INTU: variants seen among roughly 807,000 people sequenced by gnomAD.
INTU encodes inturned planar cell polarity protein, also known as protein inturned.
A neutral mutation model predicts 100.5 loss-of-function variants in INTU; 68 were observed. The observed-to-expected ratio is 0.68, with a 90% confidence interval of 0.56 to 0.83. The LOEUF (loss-of-function observed/expected upper bound fraction) is 0.83, where lower values mean the gene tolerates loss of function less well. INTU is among the 40% of genes least tolerant of loss of function. The probability of loss-of-function intolerance (pLI) is 0.00; values close to 1 mark genes in which losing one functional copy is unlikely to be tolerated. For missense variants in INTU, 1,071 were observed against 1,114.7 expected (o/e 0.96, Z 0.56); for synonymous variants, 357 against 395.7 (o/e 0.90, Z 1.16).
chr4:127,655,051 C>T (rs557063787), intron 2 of INTU, among the ~76,000 whole-genome samples: 42 of 152,194 alleles, frequency 2.8e-4, no homozygotes, highest in South Asian at 6.2e-4. Flanking sequence ...ACGTAGTTCT[C>T]GAGCCTTGGT....
chr4:127,663,658 G>C, intron 4 of INTU, 74 bp downstream of exon 4: 1 of 1,114,884 alleles, frequency 9.0e-7, no homozygotes, highest in Non-Finnish European at 1.3e-6. Flanking sequence ...ACCTTTTATC[G>C]TATTCCCAGT....
At chr4:127,714,370 C>G (rs987182055) in intron 15 of INTU, among the ~76,000 whole-genome samples, 1 of 151,104 alleles carries the variant, frequency 6.6e-6, no homozygotes, top group African/African-American at 2.4e-5. Context: ...TCATTTTTCC[C>G]CCTCTCTCCT....
chr4:127,647,993 T>C (rs1465094715), intron 2 of INTU, among the ~76,000 whole-genome samples: 5 of 152,180 alleles, frequency 3.3e-5, no homozygotes. Flanking sequence ...AATTGATGGC[T>C]TTTCTCACAT....
intron 1 of INTU, among the ~76,000 whole-genome samples, chr4:127,634,901 T>A (rs1435554893): frequency 6.6e-6 from 1 of 152,208 alleles, no homozygotes; most frequent in Non-Finnish European, 1.5e-5. Context: ...TTACAAACAG[T>A]GGCCTTCCCA....
At chr4:127,715,326 TA>T (rs1224989709) in intron 15 of INTU, among the ~76,000 whole-genome samples, 1 of 151,938 alleles carries the variant, frequency 6.6e-6, no homozygotes, top group Non-Finnish European at 1.5e-5. Context: ...TAGTTGGGAG[TA>T]GGGGTAGTGG....
intron 6 of INTU, among the ~76,000 whole-genome samples, chr4:127,677,180 C>T (rs561337043): frequency 2.5e-4 from 38 of 151,868 alleles, no homozygotes; most frequent in South Asian, 8.3e-4. Flanking sequence ...AGGGCACAGA[C>T]GAAAAAAAAG....
chr4:127,705,592 G>T lies in INTU; in HGVS notation c.1568G>T (p.Gly523Val). 1 of 1,612,110 alleles carries T rather than the reference G, an allele frequency of 6.2e-7. No homozygotes were observed. Among genetic ancestry groups the T allele is most frequent in the Non-Finnish European group, 8.5e-7 (1 of 1,178,288 alleles). Residue 523 changes from glycine (G) to valine (V), a missense_variant and splice_region_variant, in exon 11 of 16, where the codon GGT (glycine) becomes GTT (valine). Gly to Val is a moderately radical substitution (Grantham distance 109). Coordinates refer to ENST00000335251, the MANE Select transcript of INTU (RefSeq NM_015693.4). ...TILGSSLFYK[G>V]YLICSHLPKD... ...TTGCTCTTTGTGGTTAAATTCAAGGGTTATTTGATATGCAGTCATTTGCCC... is the reference window on the plus strand; with the variant it reads ...TTGCTCTTTGTGGTTAAATTCAAGGTTTATTTGATATGCAGTCATTTGCCC...
At chr4:127,661,732 G>A (rs1248052441) in intron 3 of INTU, among the ~76,000 whole-genome samples, 1 of 152,090 alleles carries the variant, frequency 6.6e-6, no homozygotes, top group African/African-American at 2.4e-5. Context: ...CACCACCAAA[G>A]TCTTCCATAT....
chr4:127,677,227 T>C (rs1022778862), intron 6 of INTU, among the ~76,000 whole-genome samples: 2 of 152,202 alleles, frequency 1.3e-5, no homozygotes, highest in African/African-American at 2.4e-5. Flanking sequence ...TGTCCATGTC[T>C]GACAGCTTTG....
intron 12 of INTU, 112 bp from the exon 13 acceptor site, chr4:127,708,459 A>C: frequency 1.6e-6 from 1 of 612,284 alleles, no homozygotes; most frequent in East Asian, 3.0e-5. Context: ...ATTTAAAGGA[A>C]GCATTGCAAA....
At chr4:127,655,254 C>T (rs903868814) in intron 2 of INTU, among the ~76,000 whole-genome samples, 4 of 152,234 alleles carry the variant, frequency 2.6e-5, no homozygotes, top group African/African-American at 7.2e-5. Context: ...AGCTTTGTTC[C>T]GTTGCTGGTG....
At chr4:127,667,967 A>G (rs192259166) in intron 4 of INTU, among the ~76,000 whole-genome samples, 74 of 152,182 alleles carry the variant, frequency 4.9e-4, no homozygotes, top group African/African-American at 1.6e-3. Context: ...AGCAAGATAT[A>G]TAATACTCTT....
At chr4:127,655,201 C>G (rs1237860334) in intron 2 of INTU, among the ~76,000 whole-genome samples, 2 of 151,850 alleles carry the variant, frequency 1.3e-5, no homozygotes, top group African/African-American at 4.8e-5. Flanking sequence ...ATTTCATCGT[C>G]TGAAGCCTTC....
At chr4:127,715,255 G>A (rs1731227386) in intron 15 of INTU, among the ~76,000 whole-genome samples, 1 of 152,146 alleles carries the variant, frequency 6.6e-6, no homozygotes. Context: ...ACCTAAGTTA[G>A]GACCACTGCA....
At chr4:127,668,041 G>A (rs952603275) in intron 4 of INTU, among the ~76,000 whole-genome samples, 1 of 151,958 alleles carries the variant, frequency 6.6e-6, no homozygotes, top group African/African-American at 2.4e-5. Context: ...TTTCAATGGT[G>A]GCAATATTAA....
intron 7 of INTU, chr4:127,686,435 A>T (rs1002938244): frequency 6.6e-6 from 1 of 152,234 alleles, no homozygotes; most frequent in African/African-American, 2.4e-5. Context: ...TAGCAGCGTG[A>T]TCTTTCTACA....
chr4:127,669,213 A>T, intron 5 of INTU, 59 bp downstream of exon 5: 1 of 767,108 alleles, frequency 1.3e-6, no homozygotes. Flanking sequence ...TTTCACCCTG[A>T]CAAAATGCTA....
At chr4:127,669,763 G>A (rs1262891509) in intron 5 of INTU, among the ~76,000 whole-genome samples, 3 of 151,840 alleles carry the variant, frequency 2.0e-5, no homozygotes. Flanking sequence ...CTATGTCCAT[G>A]TGTACACATT....
At chr4:127,696,202 T>C (rs796795740) in intron 8 of INTU, among the ~76,000 whole-genome samples, 7 of 152,350 alleles carry the variant, frequency 4.6e-5, no homozygotes, top group African/African-American at 1.7e-4. Context: ...AGGGTAATGC[T>C]GACCTCATAG....
Sources: gnomAD v4.1 joint callset for allele counts (sites outside exome capture counted in the v4.1 genomes callset) on GRCh38, gnomAD v4.1.1 for gene constraint, MANE v1.5 for transcripts, NCBI Gene and HGNC (gene_info 2026-07-23, HGNC 2026-07-21) for gene names.